The following HDAC8 variants were observed in gnomAD, a reference collection of about 807,000 sequenced individuals.
HDAC8 encodes histone deacetylase 8.
A neutral mutation model predicts 32.2 loss-of-function variants in HDAC8; 1 was observed. That is an observed-to-expected ratio of 0.03 (90% CI 0.01 to 0.15). The LOEUF (loss-of-function observed/expected upper bound fraction) is 0.15. Among genes scored for constraint, HDAC8 ranks in the 10% least tolerant of loss-of-function variants. HDAC8 has a pLI of 1.00. For missense variants in HDAC8, 117 were observed against 300.0 expected (o/e 0.39, Z 4.51); for synonymous variants, 108 against 113.9 (o/e 0.95, Z 0.33).
chrX:72,564,229 A>G (rs782270522), intron 4 of HDAC8, among the ~76,000 whole-genome samples: 52 of 112,126 alleles, frequency 4.6e-4, no homozygotes, highest in South Asian at 3.0e-3. Context: ...ACATTTTCCA[A>G]TGTTTTCCAG....
chrX:72,375,708 A>T (rs1156904835), intron 9 of HDAC8, among the ~76,000 whole-genome samples: 7 of 111,733 alleles, frequency 6.3e-5, no homozygotes, highest in South Asian at 3.8e-4. Context: ...TAAGAAGGAA[A>T]ATCTTCTTGA....
At chrX:72,541,105 A>G (rs1556042431) in intron 4 of HDAC8, among the ~76,000 whole-genome samples, 1 of 111,406 alleles carries the variant, frequency 9.0e-6, no homozygotes, top group African/African-American at 3.3e-5. Flanking sequence ...AATTTTTCCA[A>G]TTATCAATGG....
rs781859222 is a variant in HDAC8, at chrX:72,541,167, T to C, written c.437+26722A>G. On this transcript the variant is annotated intron_variant, in intron 4 of 10. Coordinates refer to ENST00000373573, the MANE Select transcript of HDAC8 (RefSeq NM_018486.3). ...GATGACAGGAGGCTTTTTTTTTTTT[T>C]TCTCGTGCGCAAATTTTTTAAAAAT... 3.1e-3 allele frequency among the ~76,000 whole-genome samples: 348 copies of C among 110,977 alleles called. 1 individual carries two copies. The highest frequency in any genetic ancestry group is 0.011 in the African/African-American group (335 of 30,536).
chrX:72,378,198 G>A (rs964492899), intron 9 of HDAC8, among the ~76,000 whole-genome samples: 1 of 111,407 alleles, frequency 9.0e-6, no homozygotes, highest in African/African-American at 3.3e-5. Context: ...GATCCATAAT[G>A]TGGCAGTGTT....
chrX:72,347,328 T>C (rs2092587406), intron 10 of HDAC8, among the ~76,000 whole-genome samples: 1 of 111,920 alleles, frequency 8.9e-6, no homozygotes, highest in Non-Finnish European at 1.9e-5. Context: ...TTTTCTTCCC[T>C]TGTGTCTTCT....
chrX:72,446,605 C>T lies in HDAC8; in HGVS notation c.1005+15399G>A, dbSNP rs1261523216. On this transcript the variant is annotated intron_variant, in intron 9 of 10. Transcript: ENST00000373573. ...ATGCTAAATGACGAGTTAATGAGTG[C>T]AGCACACCAGCATGGCACGTGTATA... Among the ~76,000 whole-genome samples the T allele has an allele frequency of 2.7e-5, 3 of 110,363 alleles. No individual in the cohort carries two copies. In the Admixed American group the frequency reaches 2.9e-4, roughly 11 times the overall value.
intron 4 of HDAC8, among the ~76,000 whole-genome samples, chrX:72,525,012 GAGCATAAAACCTAGAT>G (rs2050095374): frequency 9.0e-6 from 1 of 111,619 alleles, no homozygotes; most frequent in African/African-American, 3.3e-5. Flanking sequence ...TTCTCATAAG[GAGCATAAAACCTAGAT>G]CCCTGGCATG....
chrX:72,336,010 A>G (rs782716011), intron 10 of HDAC8, among the ~76,000 whole-genome samples: 1 of 111,751 alleles, frequency 8.9e-6, no homozygotes, highest in Non-Finnish European at 1.9e-5. Context: ...TTTCGTGTGG[A>G]CATGAGTTTT....
chrX:72,464,108 G>A (rs2047943109), intron 8 of HDAC8, among the ~76,000 whole-genome samples: 1 of 111,478 alleles, frequency 9.0e-6, no homozygotes, highest in African/African-American at 3.3e-5. Flanking sequence ...GGGGGAAGAG[G>A]CATTCTTGAA....
intron 7 of HDAC8, among the ~76,000 whole-genome samples, chrX:72,475,358 T>G (rs1603016804): frequency 8.9e-6 from 1 of 112,312 alleles, no homozygotes; most frequent in African/African-American, 3.2e-5. Context: ...ATTTTAAACC[T>G]ATTGCATTTG....
At chrX:72,507,094 C>T (rs2049417540) in intron 4 of HDAC8, among the ~76,000 whole-genome samples, 1 of 111,401 alleles carries the variant, frequency 9.0e-6, no homozygotes, top group African/African-American at 3.3e-5. Context: ...AGCAATCCAC[C>T]CACCTCGGCC....
chrX:72,572,618 A>ACCCCCC, intron 1 of HDAC8, 33 bp downstream of exon 1: 1 of 393,987 alleles, frequency 2.5e-6, no homozygotes, highest in Non-Finnish European at 3.5e-6. Flanking sequence ...CCCACCCCCA[A>ACCCCCC]AGCCCATGGT....
At chrX:72,343,176 T>C (rs59806850) in intron 10 of HDAC8, among the ~76,000 whole-genome samples, 2,495 of 104,110 alleles carry the variant, frequency 0.024, 42 homozygotes, top group African/African-American at 0.055. Context: ...TTCACTACCA[T>C]TTTTTTTTTT....
chrX:72,571,192 A>G (rs1253330451), intron 2 of HDAC8, among the ~76,000 whole-genome samples: 1 of 110,546 alleles, frequency 9.0e-6, no homozygotes, highest in Non-Finnish European at 1.9e-5. Context: ...CCAAAGTACT[A>G]GGATTACAGG....
chrX:72,568,299 C>A lies in HDAC8; in HGVS notation c.296-269G>T, dbSNP rs781805207. On this transcript the variant is annotated intron_variant, in intron 3 of 10. Coordinates refer to ENST00000373573, the MANE Select transcript of HDAC8 (RefSeq NM_018486.3). Reference sequence around the variant, plus strand: ...TGTCTTGTCAGTGGTCACACAGAGCCAGGCTTGGGACCCAGCTCTGTTGAC... The same window carrying A: ...TGTCTTGTCAGTGGTCACACAGAGCAAGGCTTGGGACCCAGCTCTGTTGAC... Among the ~76,000 whole-genome samples the A allele has an allele frequency of 1.1e-4, 12 of 112,219 alleles. No homozygotes were observed. The South Asian group carries it at 4.5e-3, about 42-fold the overall frequency.
At chrX:72,402,315 A>G (rs1342243789) in intron 9 of HDAC8, among the ~76,000 whole-genome samples, 1 of 104,131 alleles carries the variant, frequency 9.6e-6, no homozygotes, top group Non-Finnish European at 2.0e-5. Flanking sequence ...GGTTTTATTG[A>G]TTTTTCCTTA....
At chrX:72,531,393 C>T (rs2050332481) in intron 4 of HDAC8, among the ~76,000 whole-genome samples, 1 of 111,909 alleles carries the variant, frequency 8.9e-6, no homozygotes, top group Non-Finnish European at 1.9e-5. Context: ...TCCCCAGTTT[C>T]CTTATCAATT....
rs375093095 is a variant in HDAC8 at position 72,427,706 on chromosome X, G to A, written c.1005+34298C>T. Among the ~76,000 whole-genome samples, 6 of 106,950 alleles carry A rather than the reference G, an allele frequency of 5.6e-5. No homozygotes were observed. In the East Asian group the frequency reaches 1.2e-3, roughly 21 times the overall value. The allele number at this position is 106,950 out of a possible 115,157, so 92.9% of individuals were successfully genotyped here. On this transcript the variant is annotated intron_variant, in intron 9 of 10. Transcript: ENST00000373573. ...ACATGTATACATATGTAACTAACCT[G>A]CACATTGTGCACATGTACCCTAAAA...
chrX:72,549,781 T>G (rs956302111), intron 4 of HDAC8, among the ~76,000 whole-genome samples: 1 of 111,979 alleles, frequency 8.9e-6, no homozygotes, highest in Non-Finnish European at 1.9e-5. Context: ...CTATCTATTG[T>G]ATCTACTAAA....
Sources: allele counts gnomAD v4.1 joint callset (sites outside exome capture counted in the v4.1 genomes callset), GRCh38; gene constraint gnomAD v4.1.1; transcripts MANE v1.5; gene names NCBI Gene and HGNC (gene_info 2026-07-23, HGNC 2026-07-21).